Variants in TTC29 observed in about 807,000 individuals in gnomAD.
TTC29 encodes the protein tetratricopeptide repeat protein 29.
TTC29 carries 49 observed loss-of-function variants against 58.1 expected under a neutral mutation model. That is an observed-to-expected ratio of 0.84 (90% CI 0.67 to 1.07). The LOEUF is 1.07. TTC29 is among the 50% of genes least tolerant of loss of function. The pLI is 0.00. For synonymous variants in TTC29, 209 were observed against 196.8 expected, an observed-to-expected ratio of 1.06 and a Z score of -0.52; for missense variants, 582 against 555.6, an observed-to-expected ratio of 1.05 and a Z score of -0.48.
At position 146,914,124 on chromosome 4, in the gene TTC29, T is replaced by C. The variant is rs1004070922; in HGVS notation, c.177-4875A>G. Among the ~76,000 whole-genome samples the C allele has an allele frequency of 2.6e-5, 4 of 152,148 alleles. No individual in the cohort carries two copies. In the South Asian group the frequency reaches 6.2e-4, roughly 24 times the overall value. ...AAATAGGTTCCTATCTAAACCTTCA[T>C]AGTTATTGCAAATTATTTCTTTTAA... On this transcript the variant is annotated intron_variant, in intron 4 of 12. Transcript: ENST00000325106.
intron 6 of TTC29, among the ~76,000 whole-genome samples, chr4:146,879,985 C>T (rs112695784): frequency 1.1e-4 from 17 of 152,210 alleles, no homozygotes; most frequent in African/African-American, 3.1e-4. Context: ...GTGGTAACCA[C>T]AGTAAGGAAG....
chr4:146,805,070 C>T (rs973036731), intron 10 of TTC29, among the ~76,000 whole-genome samples: 3 of 150,778 alleles, frequency 2.0e-5, no homozygotes, highest in African/African-American at 4.9e-5. Flanking sequence ...TCTGCAGCCC[C>T]GCTGGTGATA....
intron 11 of TTC29, among the ~76,000 whole-genome samples, chr4:146,797,824 A>G (rs1749926386): frequency 1.8e-5 from 2 of 113,714 alleles, no homozygotes; most frequent in Non-Finnish European, 3.6e-5. Context: ...GCCACTGATT[A>G]CTTTGTTTTA....
At chr4:146,775,831 A>G (rs2150079651) in intron 11 of TTC29, among the ~76,000 whole-genome samples, 1 of 152,250 alleles carries the variant, frequency 6.6e-6, no homozygotes, top group South Asian at 2.1e-4. Context: ...TCATGGATGA[A>G]ATCCTAAAAT....
intron 6 of TTC29, among the ~76,000 whole-genome samples, chr4:146,879,753 A>C (rs939967354): frequency 6.6e-6 from 1 of 152,174 alleles, no homozygotes; most frequent in Non-Finnish European, 1.5e-5. Flanking sequence ...TGGAATTATC[A>C]AGTGTTGACA....
chr4:146,903,938 A>C (rs1429173811), intron 5 of TTC29, among the ~76,000 whole-genome samples: 1 of 152,200 alleles, frequency 6.6e-6, no homozygotes, highest in Non-Finnish European at 1.5e-5. Context: ...GTAAAGCAAC[A>C]AAAGGCTTTC....
chr4:146,876,495 C>T (rs1731264591), intron 6 of TTC29, among the ~76,000 whole-genome samples: 1 of 152,166 alleles, frequency 6.6e-6, no homozygotes, highest in Non-Finnish European at 1.5e-5. Context: ...GAGCTACTTC[C>T]ATGACTATTG....
chr4:146,716,562 G>A (rs1742943622), intron 11 of TTC29, among the ~76,000 whole-genome samples: 1 of 152,098 alleles, frequency 6.6e-6, no homozygotes, highest in South Asian at 2.1e-4. Flanking sequence ...TCCAGGGGAT[G>A]ATATTTTTAA....
intron 6 of TTC29, among the ~76,000 whole-genome samples, chr4:146,897,877 G>T (rs903600820): frequency 6.6e-6 from 1 of 152,210 alleles, no homozygotes; most frequent in African/African-American, 2.4e-5. Context: ...CAAAGAGAGG[G>T]TCTAGTAGCA....
intron 11 of TTC29, among the ~76,000 whole-genome samples, chr4:146,747,962 C>A (rs896004445): frequency 6.6e-6 from 1 of 152,214 alleles, no homozygotes; most frequent in Non-Finnish European, 1.5e-5. Context: ...TGTTCCCCAC[C>A]CGCTGGAGCC....
At chr4:146,822,251 C>A (rs553422144) in intron 9 of TTC29, among the ~76,000 whole-genome samples, 2 of 152,172 alleles carry the variant, frequency 1.3e-5, no homozygotes, top group African/African-American at 2.4e-5. Context: ...CACCTTTCAA[C>A]AGGCCCTGGT....
intron 4 of TTC29, among the ~76,000 whole-genome samples, chr4:146,927,952 T>A (rs564665599): frequency 9.2e-5 from 14 of 152,260 alleles, no homozygotes; most frequent in African/African-American, 3.1e-4. Context: ...TGGCCTCAGC[T>A]CTCTTGAAGC....
chr4:146,731,424 G>C (rs1744325586), intron 11 of TTC29, among the ~76,000 whole-genome samples: 1 of 152,088 alleles, frequency 6.6e-6, no homozygotes, highest in African/African-American at 2.4e-5. Flanking sequence ...AATGAGAACA[G>C]CTAGCACTGC....
At chr4:146,837,421 A>G (rs574214380) in intron 8 of TTC29, among the ~76,000 whole-genome samples, 43 of 152,196 alleles carry the variant, frequency 2.8e-4, no homozygotes, top group African/African-American at 8.9e-4. Context: ...AGGTGATGAA[A>G]TAATCTGTAA....
Position 146,858,309 on chromosome 4 carries a change from G to A in TTC29, c.885+9189C>T, listed in dbSNP as rs575603088. The stretch of plus-strand genomic sequence containing the variant: ...CATGTCTTCCAGCTCCAAGGCTCAC[G>A]TGCTCTTTCTGTACCACAGTTACCT... On this transcript the variant is annotated intron_variant, in intron 8 of 12. Coordinates refer to ENST00000325106, the MANE Select transcript of TTC29 (RefSeq NM_031956.4). 5.3e-5 allele frequency among the ~76,000 whole-genome samples: 8 copies of A among 152,282 alleles called. No individual in the cohort carries two copies. In the South Asian group the frequency reaches 1.5e-3, roughly 28 times the overall value.
intron 6 of TTC29, among the ~76,000 whole-genome samples, chr4:146,891,089 T>A (rs1579921702): frequency 6.6e-6 from 1 of 152,274 alleles, no homozygotes; most frequent in African/African-American, 2.4e-5. Context: ...CTCAGAAGTT[T>A]ATTAGTCAAA....
intron 8 of TTC29, among the ~76,000 whole-genome samples, chr4:146,837,037 A>T (rs1454545304): frequency 6.6e-6 from 1 of 152,128 alleles, no homozygotes; most frequent in African/African-American, 2.4e-5. Context: ...ATAAAGACAC[A>T]TGCATGCAAA....
intron 11 of TTC29, among the ~76,000 whole-genome samples, chr4:146,739,372 C>T (rs879401207): frequency 1.3e-5 from 2 of 152,188 alleles, no homozygotes; most frequent in Non-Finnish European, 2.9e-5. Flanking sequence ...TCCAACTGTA[C>T]GTGATCTTTC....
At chr4:146,761,411 T>C (rs190345598) in intron 11 of TTC29, among the ~76,000 whole-genome samples, 465 of 152,076 alleles carry the variant, frequency 3.1e-3, no homozygotes, top group African/African-American at 0.01. Context: ...GAAGATTCTC[T>C]TGTGTCACAA....
Sources: allele counts gnomAD v4.1 joint callset (sites outside exome capture counted in the v4.1 genomes callset), GRCh38; gene constraint gnomAD v4.1.1; transcripts MANE v1.5; gene names NCBI Gene and HGNC (gene_info 2026-07-23, HGNC 2026-07-21).